The following ZNF469 variants were observed in gnomAD, a reference collection of about 807,000 sequenced individuals.
The protein encoded by ZNF469 is zinc finger protein 469.
Under a neutral mutation model 1.0 loss-of-function variants are expected in ZNF469, and 1 was observed. That is an observed-to-expected ratio of 1.00 (90% CI 0.35 to 4.73). The LOEUF (loss-of-function observed/expected upper bound fraction) is 4.73. Among genes scored for constraint, ZNF469 ranks in the 30% most tolerant of loss-of-function variants. The pLI is 0.16. For synonymous variants in ZNF469, 2,703 were observed against 2,363.4 expected (o/e 1.14, Z -4.17); for missense variants, 6,100 against 5,356.3 (o/e 1.14, Z -4.33).
chr16:88,378,175 C>G (rs181043395), upstream of ZNF469, among the ~76,000 whole-genome samples: 160 of 152,228 alleles, frequency 1.1e-3, no homozygotes, highest in African/African-American at 3.6e-3. Flanking sequence ...GCCATGATGT[C>G]ATCTCCCAGA....
chr16:88,294,168 A>G, the ZNF469 span, among the ~76,000 whole-genome samples: 1 of 152,198 alleles, frequency 6.6e-6, no homozygotes, highest in African/African-American at 2.4e-5. Flanking sequence ...TGTGGCAGAA[A>G]CACATGGGAC....
the ZNF469 span, among the ~76,000 whole-genome samples, chr16:88,131,340 C>T: frequency 1.3e-5 from 2 of 148,940 alleles, no homozygotes; most frequent in African/African-American, 5.0e-5. Flanking sequence ...GCCCTTGTGA[C>T]ACCTGTCTGG....
the ZNF469 span, among the ~76,000 whole-genome samples, chr16:88,179,802 G>A: frequency 2.6e-5 from 4 of 152,210 alleles, no homozygotes; most frequent in Admixed American, 6.5e-5. Context: ...AAGCAAAGAC[G>A]GGAAAAGTGT....
At chr16:88,259,938 G>A in the ZNF469 span, among the ~76,000 whole-genome samples, 1 of 151,960 alleles carries the variant, frequency 6.6e-6, no homozygotes, top group Non-Finnish European at 1.5e-5. The surrounding 1 kb of genome is among the most constrained non-coding windows in gnomAD (Gnocchi z 4.1). Flanking sequence ...ATCTAAAACT[G>A]TTTTAGAATA....
the ZNF469 span, among the ~76,000 whole-genome samples, chr16:88,310,181 G>A: frequency 1.3e-5 from 2 of 152,152 alleles, no homozygotes; most frequent in African/African-American, 2.4e-5. Context: ...GCAAATCTCT[G>A]CAGAACCCTC....
the ZNF469 span, among the ~76,000 whole-genome samples, chr16:88,122,226 C>A: frequency 1.4e-5 from 2 of 146,844 alleles, no homozygotes; most frequent in Non-Finnish European, 3.0e-5. Context: ...CCACTGTGAT[C>A]GCAACCTGTC....
chr16:88,213,672 C>G, the ZNF469 span, among the ~76,000 whole-genome samples: 1 of 152,202 alleles, frequency 6.6e-6, no homozygotes, highest in East Asian at 1.9e-4. Context: ...AAAAGGGTTG[C>G]CTTTCTGAGA....
At chr16:88,349,107 C>A in the ZNF469 span, among the ~76,000 whole-genome samples, 66 of 152,272 alleles carry the variant, frequency 4.3e-4, no homozygotes, top group Middle Eastern at 3.4e-3. Flanking sequence ...AGGCAGGAGG[C>A]TTCCAGCAAC....
the ZNF469 span, among the ~76,000 whole-genome samples, chr16:88,148,206 ACTTGCC>A: frequency 6.6e-6 from 1 of 152,084 alleles, no homozygotes; most frequent in Non-Finnish European, 1.5e-5. Context: ...TCACTCACCA[ACTTGCC>A]CCTCTGAGGG....
the ZNF469 span, among the ~76,000 whole-genome samples, chr16:88,346,965 A>G: frequency 6.6e-6 from 1 of 152,178 alleles, no homozygotes; most frequent in Non-Finnish European, 1.5e-5. Flanking sequence ...CCTCGTTCCC[A>G]GGAGAGGCAC....
At chr16:88,279,607 T>C in the ZNF469 span, among the ~76,000 whole-genome samples, 1 of 113,518 alleles carries the variant, frequency 8.8e-6, no homozygotes, top group East Asian at 2.7e-4. Context: ...TAGATATCAG[T>C]GCACGGTTAG....
At chr16:88,354,296 G>A in the ZNF469 span, among the ~76,000 whole-genome samples, 38 of 152,164 alleles carry the variant, frequency 2.5e-4, no homozygotes, top group Non-Finnish European at 4.1e-4. Context: ...TCCTGGGGCC[G>A]GCTGCCTGCC....
chr16:88,325,373 C>G, the ZNF469 span, among the ~76,000 whole-genome samples: 1 of 152,248 alleles, frequency 6.6e-6, no homozygotes, highest in Non-Finnish European at 1.5e-5. Context: ...GGGCAACCAT[C>G]AGGGTCACAG....
At chr16:88,196,129 G>C in the ZNF469 span, among the ~76,000 whole-genome samples, 1 of 152,174 alleles carries the variant, frequency 6.6e-6, no homozygotes, top group African/African-American at 2.4e-5. Context: ...TGTGTAGGTG[G>C]CGAAACTGAG....
chr16:88,286,756 C>T, the ZNF469 span, among the ~76,000 whole-genome samples: 9 of 152,232 alleles, frequency 5.9e-5, no homozygotes, highest in Non-Finnish European at 1.0e-4. Context: ...CCCAGTGCTG[C>T]GTGGCCCACA....
chr16:88,153,716 C>A, the ZNF469 span, among the ~76,000 whole-genome samples: 1 of 152,250 alleles, frequency 6.6e-6, no homozygotes, highest in Admixed American at 6.5e-5. Flanking sequence ...GCTGCAAGTC[C>A]AAGGTCAAGG....
chr16:88,209,815 G>A, the ZNF469 span, among the ~76,000 whole-genome samples: 1 of 152,076 alleles, frequency 6.6e-6, no homozygotes, highest in South Asian at 2.1e-4. Flanking sequence ...CCTGTCTGTG[G>A]GCATTCCAGT....
At chr16:88,381,219 C>A (rs1256249487), upstream of ZNF469, among the ~76,000 whole-genome samples, 1 of 141,234 alleles carries the variant, frequency 7.1e-6, no homozygotes, top group African/African-American at 2.8e-5. Flanking sequence ...CACACACAGA[C>A]ATGCACTCAC....
At chr16:88,261,244 G>C in the ZNF469 span, among the ~76,000 whole-genome samples, 1 of 152,248 alleles carries the variant, frequency 6.6e-6, no homozygotes, top group Admixed American at 6.5e-5. The surrounding 1 kb of genome is among the most constrained non-coding windows in gnomAD (Gnocchi z 6.0). Context: ...AGTGTGCAGA[G>C]AGAAACACTT....
Sources: gnomAD v4.1 joint callset for allele counts (sites outside exome capture counted in the v4.1 genomes callset) on GRCh38, gnomAD v4.1.1 for gene constraint, Gnocchi (gnomAD v3.1) non-coding constraint, MANE v1.5 for transcripts, NCBI Gene and HGNC (gene_info 2026-07-23, HGNC 2026-07-21) for gene names.